The following PARP1 variants were observed in gnomAD, a reference collection of about 807,000 sequenced individuals.
PARP1 encodes the protein poly [ADP-ribose] polymerase 1.
Under a neutral mutation model 118.7 loss-of-function variants are expected in PARP1, and 44 were observed. The ratio of observed to expected loss-of-function variants is 0.37; its 90% CI spans 0.29 to 0.48. PARP1 has a LOEUF of 0.48. Among genes scored for constraint, PARP1 ranks in the 20% least tolerant of loss-of-function variants. The pLI is 0.99. For missense variants in PARP1, 1,100 were observed against 1,272.4 expected (o/e 0.86, Z 2.06); for synonymous variants, 492 against 483.2 (o/e 1.02, Z -0.24).
intron 5 of PARP1, among the ~76,000 whole-genome samples, chr1:226,387,351 CTGAGG>C (rs1479757706): frequency 1.3e-5 from 2 of 152,180 alleles, no homozygotes; most frequent in Non-Finnish European, 2.9e-5. Flanking sequence ...ATTTTAAAGG[CTGAGG>C]TAAGTCTCCT....
chr1:226,362,466 C>CA (rs1310509635), intron 21 of PARP1, among the ~76,000 whole-genome samples: 3 of 152,174 alleles, frequency 2.0e-5, no homozygotes, highest in African/African-American at 7.2e-5. Flanking sequence ...TAAAGACATG[C>CA]TCTATCTTTC....
Position 226,361,237 on chromosome 1 carries a change from A to C in PARP1, c.*223T>G. The C allele has an allele frequency of 1.7e-6, 1 of 597,626 alleles. No homozygotes were observed. Among genetic ancestry groups the C allele is most frequent in the South Asian group, 2.0e-5 (1 of 50,066 alleles). 37.0% of individuals were successfully genotyped at this position (597,626 alleles called of 1,614,324 possible). A position where few individuals can be genotyped will look rare whatever the true frequency, so the allele number is the denominator to read the frequency against. ...CAGTTTTATCTACCTGGCAAGAAAA[A>C]ACAAAAACAACCCCAAAACAACCCC... On this transcript the variant is annotated 3_prime_UTR_variant, in exon 23 of 23. Coordinates refer to ENST00000366794, the MANE Select transcript of PARP1 (RefSeq NM_001618.4).
chr1:226,381,874 C>CAACTA (rs1447179766), intron 8 of PARP1, among the ~76,000 whole-genome samples: 1 of 152,196 alleles, frequency 6.6e-6, no homozygotes, highest in Non-Finnish European at 1.5e-5. Context: ...TGAGGGCAAA[C>CAACTA]AACTAGGAAA....
In PARP1 at chr1:226,400,852, G is replaced by A. The variant is rs150976836; in HGVS notation, c.286+1362C>T. Among the ~76,000 whole-genome samples the A allele has an allele frequency of 3.3e-3, 506 of 152,318 alleles. 4 individuals are homozygous for A. Among genetic ancestry groups the A allele is most frequent in the African/African-American group, 0.011 (437 of 41,562 alleles). ...AATGCTGCTCCCTTCCTCCTGCTCC[G>A]AGGGGCTTTTCTGAAGCTTAGTGGC... On this transcript the variant is annotated intron_variant, in intron 2 of 22. Coordinates refer to ENST00000366794, the MANE Select transcript of PARP1 (RefSeq NM_001618.4).
chr1:226,363,030 A>G, intron 21 of PARP1, 69 bp downstream of exon 21: 1 of 1,092,718 alleles, frequency 9.2e-7, no homozygotes, highest in South Asian at 1.2e-5. Context: ...TTCTCAGGAC[A>G]GCAAGCCCCC....
chr1:226,377,418 G>A (rs1664513915), intron 12 of PARP1, 115 bp from the exon 13 acceptor site: 2 of 778,822 alleles, frequency 2.6e-6, no homozygotes, highest in East Asian at 2.5e-5. Context: ...CACCCCAAAA[G>A]GATGGTGATT....
At chr1:226,371,519 G>A (rs1269005203) in intron 14 of PARP1, among the ~76,000 whole-genome samples, 2 of 152,198 alleles carry the variant, frequency 1.3e-5, no homozygotes, top group Non-Finnish European at 2.9e-5. Flanking sequence ...CCTGGCATGG[G>A]CTTCCCTGTA....
chr1:226,375,529 G>T (rs1270796951), intron 13 of PARP1, among the ~76,000 whole-genome samples: 1 of 152,182 alleles, frequency 6.6e-6, no homozygotes, highest in Non-Finnish European at 1.5e-5. Context: ...GCAGCCAGTG[G>T]CCAATACAGT....
chr1:226,366,212 C>T, intron 17 of PARP1, 160 bp from the exon 18 acceptor site: 1 of 658,540 alleles, frequency 1.5e-6, no homozygotes, highest in Non-Finnish European at 2.8e-6. Flanking sequence ...CTGGGCAGAT[C>T]CTGGGCCAGT....
intron 18 of PARP1, 57 bp from the exon 19 acceptor site, chr1:226,365,211 G>A: frequency 6.3e-7 from 1 of 1,576,340 alleles, no homozygotes; most frequent in Non-Finnish European, 8.7e-7. Flanking sequence ...TACTCTGGTT[G>A]ACTGAAAGAC....
At chr1:226,361,934 C>A (rs753057939) in intron 22 of PARP1, 35 bp downstream of exon 22, 6 of 1,276,784 alleles carry the variant, frequency 4.7e-6, no homozygotes, top group Non-Finnish European at 6.9e-6. Context: ...GAGAACATCC[C>A]TTTGTGCTCA....
At position 226,368,210 on chromosome 1, in the gene PARP1, C is replaced by A; in HGVS notation, c.2266G>T (p.Asp756Tyr). The A allele has an allele frequency of 1.2e-6, 2 of 1,614,222 alleles. No homozygotes were observed. The highest frequency in any genetic ancestry group is 1.7e-6 in the Non-Finnish European group (2 of 1,180,036). ...MKKPPLLNNADSVQAKVEMLD... is the reference protein window; with the variant it reads ...MKKPPLLNNAYSVQAKVEMLD... ...AACCCTTGCGCTACCTGCACACTGT[C>A]TGCATTGTTCAGGAGCGGAGGCTTC... Residue 756 changes from aspartate to tyrosine, a missense_variant, in exon 16 of 23, where the codon GAC (aspartate) becomes TAC (tyrosine). Asp to Tyr is a radical substitution (Grantham distance 160). Around this residue, in one of 2 missense-constraint regions of PARP1, gnomAD observed 948 missense variants for 1,031.8 expected, o/e 0.92. Coordinates refer to ENST00000366794, the MANE Select transcript of PARP1 (RefSeq NM_001618.4).
At chr1:226,361,924 G>T (rs374349585) in intron 22 of PARP1, 45 bp downstream of exon 22, 160 of 1,183,426 alleles carry the variant, frequency 1.4e-4, no homozygotes, top group Non-Finnish European at 1.9e-4. Flanking sequence ...TCTGTAGCTC[G>T]AGAACATCCC....
At chr1:226,401,384 G>C (rs1430003499) in intron 2 of PARP1, among the ~76,000 whole-genome samples, 1 of 152,254 alleles carries the variant, frequency 6.6e-6, no homozygotes, top group African/African-American at 2.4e-5. Flanking sequence ...GCAGCTCAAA[G>C]GCAGTTCTGA....
intron 11 of PARP1, 71 bp from the exon 12 acceptor site, chr1:226,379,345 C>T (rs564514451): frequency 1.3e-6 from 2 of 1,594,230 alleles, no homozygotes; most frequent in African/African-American, 1.3e-5. Context: ...GAGAAGGGAT[C>T]TGCAGGCCTG....
rs1297697076 is a variant in PARP1 at position 226,361,405 on chromosome 1, G to A, written c.*55C>T. The A allele has an allele frequency of 8.5e-7, 1 of 1,180,542 alleles. No individual in the cohort carries two copies. The highest frequency in any genetic ancestry group is 1.3e-6 in the Non-Finnish European group (1 of 789,110). The allele number at this position is 1,180,542 out of a possible 1,614,324, so 73.1% of individuals were successfully genotyped here. ...CGGCCAGGTGAGTTGGTGCAGAAGC[G>A]CTTCGGGTGAATTCATACCAGAGCC... On this transcript the variant is annotated 3_prime_UTR_variant, in exon 23 of 23. Transcript: ENST00000366794.
chr1:226,403,006 G>A (rs1250526927), intron 1 of PARP1, among the ~76,000 whole-genome samples: 1 of 152,232 alleles, frequency 6.6e-6, no homozygotes, highest in Non-Finnish European at 1.5e-5. Flanking sequence ...CTGTGACAGC[G>A]GATGGTTCGG....
At chr1:226,407,701 G>GTGGGCC in intron 1 of PARP1, 109 bp downstream of exon 1, 1 of 996,210 alleles carries the variant, frequency 1.0e-6, no homozygotes, top group Non-Finnish European at 1.3e-6. Flanking sequence ...GTGCCGCTCC[G>GTGGGCC]AGGGCCCGGG....
Position 226,383,035 on chromosome 1 carries a change from C to T in PARP1, c.1159+1G>A, listed in dbSNP as rs2102737229. 6.2e-7 allele frequency: 1 copy of T among 1,612,732 alleles called. No homozygotes were observed. The highest frequency in any genetic ancestry group is 8.5e-7 in the Non-Finnish European group (1 of 1,179,966). ...TAAGACCGGGGTCCCAAATGCTGTA[C>T]CTGCTGAAGCAGAGGAGTTCACAGC... is the stretch of plus-strand genomic sequence containing the variant. On this transcript the variant is annotated splice_donor_variant, in intron 8 of 22. Coordinates refer to ENST00000366794, the MANE Select transcript of PARP1 (RefSeq NM_001618.4). LOFTEE classifies it high-confidence loss of function.
Sources: gnomAD v4.1 joint callset for allele counts (sites outside exome capture counted in the v4.1 genomes callset) on GRCh38, gnomAD v4.1.1 for gene constraint, gnomAD v4.1.1 regional missense constraint, MANE v1.5 for transcripts, NCBI Gene and HGNC (gene_info 2026-07-23, HGNC 2026-07-21) for gene names.